Variants in KLF12 observed in about 807,000 individuals in gnomAD.
KLF12 encodes Krueppel-like factor 12.
A neutral mutation model predicts 37.8 loss-of-function variants in KLF12; 9 were observed. That is an observed-to-expected ratio of 0.24 (90% confidence interval 0.14 to 0.42). The LOEUF (loss-of-function observed/expected upper bound fraction) is 0.42. Among genes scored for constraint, KLF12 ranks in the 10% least tolerant of loss-of-function variants. The probability of loss-of-function intolerance (pLI) is 1.00; values close to 1 mark genes in which losing one functional copy is unlikely to be tolerated. For missense variants in KLF12, 411 were observed against 516.0 expected (o/e 0.80, Z 1.97); for synonymous variants, 208 against 202.1 (o/e 1.03, Z -0.25).
intron 2 of KLF12, among the ~76,000 whole-genome samples, chr13:73,963,377 A>T (rs2139474516): frequency 6.9e-6 from 1 of 144,920 alleles, no homozygotes; most frequent in African/African-American, 2.5e-5. Flanking sequence ...CACACTCGGA[A>T]TTATTTGTAT....
chr13:74,131,112 T>TA (rs1878240546), intron 1 of KLF12, among the ~76,000 whole-genome samples: 1 of 152,220 alleles, frequency 6.6e-6, no homozygotes. Context: ...CCTAAGCACT[T>TA]ACGTTGTCTC....
the KLF12 span, among the ~76,000 whole-genome samples, chr13:74,147,567 G>A: frequency 1.3e-5 from 2 of 152,038 alleles, no homozygotes; most frequent in Non-Finnish European, 2.9e-5. Context: ...ATTTTCCAAG[G>A]AACATGAGTT....
Position 73,692,645 on chromosome 13 carries a change from C to G in KLF12, c.*2845G>C, listed in dbSNP as rs1035454117. 5 of 152,608 alleles carry G rather than the reference C, an allele frequency of 3.3e-5. No individual in the cohort carries two copies. Among genetic ancestry groups the G allele is most frequent in the African/African-American group, 9.6e-5 (4 of 41,456 alleles). The allele number at this position is 152,608 out of a possible 1,614,324, so 9.5% of individuals were successfully genotyped here. ...CTGAAGACATTCCATTTCTTTCTGT[C>G]CCAAACCACTTTCTCCTTTCCATGG... On this transcript the variant is annotated 3_prime_UTR_variant, in exon 8 of 8. Coordinates refer to ENST00000377669, the MANE Select transcript of KLF12 (RefSeq NM_007249.5).
chr13:74,225,503 C>T, the KLF12 span, among the ~76,000 whole-genome samples: 12 of 151,930 alleles, frequency 7.9e-5, no homozygotes, highest in Admixed American at 2.6e-4. Flanking sequence ...GCCTACATTG[C>T]GATTATTCCT....
the KLF12 span, among the ~76,000 whole-genome samples, chr13:74,166,087 CTTTTTTTTT>C: frequency 9.6e-6 from 1 of 103,788 alleles, no homozygotes; most frequent in Non-Finnish European, 1.9e-5. Flanking sequence ...GCATAAACAC[CTTTTTTTTT>C]TTTTTTTTTT....
the KLF12 span, among the ~76,000 whole-genome samples, chr13:74,260,769 G>A: frequency 6.6e-6 from 1 of 151,860 alleles, no homozygotes; most frequent in Non-Finnish European, 1.5e-5. Flanking sequence ...TAGGAATGCT[G>A]GGAAGAATAA....
the KLF12 span, among the ~76,000 whole-genome samples, chr13:74,279,152 GCTTAAAATCCCCTGGGGGAGAGT>G: frequency 3.1e-4 from 47 of 152,230 alleles, no homozygotes; most frequent in East Asian, 8.7e-3. Context: ...ACATACCTGT[GCTTAAAATCCCCTGGGGGAGAGT>G]CTCTTCCATC....
chr13:74,158,860 G>C, the KLF12 span, among the ~76,000 whole-genome samples: 74 of 152,270 alleles, frequency 4.9e-4, 1 homozygote, highest in Middle Eastern at 6.8e-3. Context: ...ACTACTGTTA[G>C]AGAAAAAATG....
intron 3 of KLF12, among the ~76,000 whole-genome samples, chr13:73,864,115 T>C (rs1388013017): frequency 6.6e-6 from 1 of 152,124 alleles, no homozygotes; most frequent in African/African-American, 2.4e-5. Context: ...GAGTTAAAAA[T>C]TCCTCTTGGT....
chr13:73,723,064 G>T (rs1186390804), intron 6 of KLF12, among the ~76,000 whole-genome samples: 2 of 152,062 alleles, frequency 1.3e-5, no homozygotes, highest in Non-Finnish European at 2.9e-5. Context: ...CAGCAAGCAA[G>T]ATCATAAGCT....
chr13:73,811,234 T>C (rs1257103719), intron 5 of KLF12, among the ~76,000 whole-genome samples: 1 of 152,012 alleles, frequency 6.6e-6, no homozygotes, highest in Non-Finnish European at 1.5e-5. Flanking sequence ...TCAGCCCACC[T>C]TGGTCTCCCA....
chr13:74,284,011 C>A, the KLF12 span, among the ~76,000 whole-genome samples: 4,025 of 151,984 alleles, frequency 0.026, 164 homozygotes, highest in African/African-American at 0.09. Context: ...GCACCCACCT[C>A]CATGCCCGGC....
intron 1 of KLF12, among the ~76,000 whole-genome samples, chr13:74,036,931 A>G (rs1028704920): frequency 2.0e-5 from 3 of 152,048 alleles, no homozygotes; most frequent in African/African-American, 7.2e-5. Flanking sequence ...TTGGGCCAGG[A>G]GCCGTGGCTC....
intron 3 of KLF12, among the ~76,000 whole-genome samples, chr13:73,900,099 C>T (rs867962600): frequency 2.0e-5 from 3 of 151,990 alleles, no homozygotes; most frequent in Non-Finnish European, 4.4e-5. Flanking sequence ...GGAAGATAGC[C>T]CTATCAGACT....
Position 73,687,262 on chromosome 13 carries a change from C to T in KLF12, c.*8228G>A, listed in dbSNP as rs902982832. On this transcript the variant is annotated 3_prime_UTR_variant, in exon 8 of 8. Coordinates refer to ENST00000377669, the MANE Select transcript of KLF12 (RefSeq NM_007249.5). ...GCTGGTTTTATAAGTACTTATCTCA[C>T]ATCCACAGAGAGTTGGTTTGCCATG... 1 of 152,648 alleles carries T rather than the reference C, an allele frequency of 6.6e-6. No individual in the cohort carries two copies. The highest frequency in any genetic ancestry group is 1.5e-5 in the Non-Finnish European group (1 of 68,046). The allele number at this position is 152,648 out of a possible 1,614,324, so 9.5% of individuals were successfully genotyped here.
intron 3 of KLF12, among the ~76,000 whole-genome samples, chr13:73,909,403 G>C (rs1391717360): frequency 6.6e-6 from 1 of 152,142 alleles, no homozygotes; most frequent in Non-Finnish European, 1.5e-5. Context: ...TACACATGAT[G>C]AAGCATACAA....
At chr13:73,818,825 T>C (rs1363285928) in intron 4 of KLF12, among the ~76,000 whole-genome samples, 1 of 152,204 alleles carries the variant, frequency 6.6e-6, no homozygotes, top group Admixed American at 6.5e-5. Flanking sequence ...ACAGGGCTGA[T>C]GGACCTCTTT....
intron 5 of KLF12, among the ~76,000 whole-genome samples, chr13:73,775,203 C>T (rs1327253113): frequency 2.0e-5 from 3 of 152,146 alleles, no homozygotes; most frequent in African/African-American, 4.8e-5. Context: ...CAGGCATGAG[C>T]CACTGTGCCC....
the KLF12 span, among the ~76,000 whole-genome samples, chr13:74,260,613 TAAAATAAAATAA>T: frequency 1.4e-4 from 15 of 110,574 alleles, no homozygotes; most frequent in African/African-American, 8.7e-4. Context: ...TAAAATAAAA[TAAAATAAAATAA>T]AATAGTGAAT....
Sources: allele counts gnomAD v4.1 joint callset (sites outside exome capture counted in the v4.1 genomes callset), GRCh38; gene constraint gnomAD v4.1.1; transcripts MANE v1.5; gene names NCBI Gene and HGNC (gene_info 2026-07-23, HGNC 2026-07-21).